Variants in SYCP1 observed in about 807,000 individuals in gnomAD.
SYCP1 encodes cancer/testis antigen 8.
In SYCP1, 64 loss-of-function variants were observed where a neutral mutation model predicts 153.1. That is an observed-to-expected ratio of 0.42 (90% confidence interval 0.34 to 0.51). The LOEUF (loss-of-function observed/expected upper bound fraction) is 0.51, where lower values mean the gene tolerates loss of function less well. Among genes scored for constraint, SYCP1 ranks in the 20% least tolerant of loss-of-function variants. SYCP1 has a pLI of 0.06. For synonymous variants in SYCP1, 384 were observed against 341.8 expected (o/e 1.12, Z -1.36); for missense variants, 997 against 1,049.0 (o/e 0.95, Z 0.68).
intron 20 of SYCP1, 132 bp downstream of exon 20, chr1:114,914,177 CTG>C (rs902020551): frequency 1.6e-6 from 1 of 631,950 alleles, no homozygotes; most frequent in African/African-American, 1.9e-5. Context: ...ATATAAATCA[CTG>C]TTGTGGAATC....
intron 12 of SYCP1, among the ~76,000 whole-genome samples, chr1:114,883,197 T>G (rs1666073426): frequency 6.6e-6 from 1 of 152,236 alleles, no homozygotes; most frequent in African/African-American, 2.4e-5. Flanking sequence ...TACAGAAGTG[T>G]TTAAATGACA....
rs199813501 is a variant in SYCP1, at chr1:114,881,054, T to TACACACACAC, written c.910+2853_910+2854insCACACACACA. On this transcript the variant is annotated intron_variant, in intron 12 of 31. Coordinates refer to ENST00000369522, the MANE Select transcript of SYCP1 (RefSeq NM_003176.4). ...GCTGAACAGTATTCCAATTTGTGTA[T>TACACACACAC]ATACACACACACACACACACACACA... Among the ~76,000 whole-genome samples, 294 of 77,936 alleles carry TACACACACAC rather than the reference T, an allele frequency of 3.8e-3. 6 individuals are homozygous for TACACACACAC. The highest frequency in any genetic ancestry group is 9.1e-3 in the Admixed American group (85 of 9,380). 51.1% of individuals were successfully genotyped at this position (77,936 alleles called of 152,430 possible).
chr1:114,941,539 T>G (rs1297725630), intron 23 of SYCP1, among the ~76,000 whole-genome samples: 11 of 152,146 alleles, frequency 7.2e-5, no homozygotes, highest in Admixed American at 7.2e-4. Context: ...TCTCTTTTAC[T>G]GGTATATTTG....
intron 30 of SYCP1, among the ~76,000 whole-genome samples, 192 bp from the exon 31 acceptor site, chr1:114,994,506 T>C (rs1674141516): frequency 6.6e-6 from 1 of 151,390 alleles, no homozygotes; most frequent in Non-Finnish European, 1.5e-5. Flanking sequence ...TTTGTTACTG[T>C]TTTCTTTGTT....
At chr1:114,859,190 C>T (rs1053623071) in intron 6 of SYCP1, among the ~76,000 whole-genome samples, 3 of 152,114 alleles carry the variant, frequency 2.0e-5, no homozygotes, top group Non-Finnish European at 2.9e-5. Flanking sequence ...CTGGTTCAAG[C>T]GATTCTTCTG....
intron 27 of SYCP1, among the ~76,000 whole-genome samples, chr1:114,958,137 A>G (rs1411099855): frequency 6.6e-6 from 1 of 152,238 alleles, no homozygotes; most frequent in Non-Finnish European, 1.5e-5. Flanking sequence ...GTCATTTGCA[A>G]CTACATGGAT....
intron 8 of SYCP1, 55 bp downstream of exon 8, chr1:114,860,864 T>A: frequency 7.6e-7 from 1 of 1,314,980 alleles, no homozygotes; most frequent in South Asian, 1.5e-5. Flanking sequence ...CTGGTAGAGG[T>A]GGAGAGGGAA....
At chr1:114,886,428 A>G (rs1666310574) in intron 14 of SYCP1, 119 bp downstream of exon 14, 1 of 833,974 alleles carries the variant, frequency 1.2e-6, no homozygotes, top group East Asian at 3.1e-5. Context: ...TAACAACTGT[A>G]GTCAGGTCTC....
In SYCP1 at chr1:114,981,454, A is replaced by G. The variant is rs781148669; in HGVS notation, c.2501A>G (p.Asp834Gly). The stretch of plus-strand genomic sequence containing the variant: ...TCAGTTGATCATGGCATATCCAAAG[A>G]TAAAAGAGACTATCTGTGGACATCT... ...FTSVDHGISK[D>G]KRDYLWTSAK... Residue 834 changes from aspartate to glycine, a missense_variant, in exon 29 of 32, where the codon GAT (aspartate) becomes GGT (glycine). Transcript: ENST00000369522. 2.7e-5 allele frequency: 43 copies of G among 1,609,398 alleles called. No individual in the cohort carries two copies. In the East Asian group the frequency reaches 9.0e-4, roughly 34 times the overall value.
At chr1:114,861,078 C>A (rs1425495770) in intron 8 of SYCP1, among the ~76,000 whole-genome samples, 1 of 152,062 alleles carries the variant, frequency 6.6e-6, no homozygotes, top group Non-Finnish European at 1.5e-5. Context: ...GATTTTGAGA[C>A]TAACCTCTGT....
chr1:114,904,505 A>G (rs1667693073), intron 16 of SYCP1, among the ~76,000 whole-genome samples: 1 of 152,184 alleles, frequency 6.6e-6, no homozygotes, highest in Non-Finnish European at 1.5e-5. Flanking sequence ...GGTTGAACTG[A>G]CATCATTAGT....
chr1:114,888,513 T>C (rs1003802618), intron 15 of SYCP1, among the ~76,000 whole-genome samples: 2 of 152,024 alleles, frequency 1.3e-5, no homozygotes, highest in African/African-American at 4.8e-5. Context: ...TTATCCTTTT[T>C]TTCTGTGAGG....
intron 27 of SYCP1, among the ~76,000 whole-genome samples, chr1:114,963,279 A>T (rs1390393249): frequency 6.6e-6 from 1 of 152,090 alleles, no homozygotes; most frequent in Non-Finnish European, 1.5e-5. Context: ...AAAGTCTTAG[A>T]TTTCTCTTCT....
chr1:114,925,711 C>T (rs1669208538), intron 21 of SYCP1, among the ~76,000 whole-genome samples: 1 of 151,880 alleles, frequency 6.6e-6, no homozygotes, highest in Non-Finnish European at 1.5e-5. Flanking sequence ...TTTGTGAAAG[C>T]TATATTTAGG....
At chr1:114,922,292 A>G (rs1441595063) in intron 20 of SYCP1, among the ~76,000 whole-genome samples, 1 of 152,094 alleles carries the variant, frequency 6.6e-6, no homozygotes, top group Non-Finnish European at 1.5e-5. Flanking sequence ...GCTGTTTTCT[A>G]GATCTTGTAG....
intron 30 of SYCP1, among the ~76,000 whole-genome samples, 160 bp from the exon 31 acceptor site, chr1:114,994,538 T>C (rs1674144737): frequency 6.6e-6 from 1 of 151,494 alleles, no homozygotes; most frequent in Non-Finnish European, 1.5e-5. Flanking sequence ...CTTCTCTCTA[T>C]AATCTTCTTT....
intron 23 of SYCP1, among the ~76,000 whole-genome samples, chr1:114,931,894 T>G (rs1336904280): frequency 4.6e-5 from 7 of 152,076 alleles, no homozygotes; most frequent in African/African-American, 1.4e-4. Flanking sequence ...TAATAGAAAG[T>G]TTAGAAATAG....
intron 28 of SYCP1, among the ~76,000 whole-genome samples, chr1:114,978,177 T>A (rs1022504067): frequency 2.0e-5 from 3 of 151,616 alleles, no homozygotes; most frequent in Non-Finnish European, 4.4e-5. Flanking sequence ...GGCAATAGGA[T>A]CTCTTAATCT....
intron 16 of SYCP1, among the ~76,000 whole-genome samples, chr1:114,902,348 A>G (rs1259208720): frequency 6.6e-6 from 1 of 152,172 alleles, no homozygotes; most frequent in Non-Finnish European, 1.5e-5. Flanking sequence ...TTCTCAAACA[A>G]TATGTTGTAG....
Sources: gnomAD v4.1 joint callset for allele counts (sites outside exome capture counted in the v4.1 genomes callset) on GRCh38, gnomAD v4.1.1 for gene constraint, MANE v1.5 for transcripts, NCBI Gene and HGNC (gene_info 2026-07-23, HGNC 2026-07-21) for gene names.